BMP5: variants seen among roughly 807,000 people sequenced by gnomAD.
BMP5 encodes bone morphogenetic protein 5.
In BMP5, 23 loss-of-function variants were observed where a neutral mutation model predicts 46.6. The observed-to-expected ratio is 0.49, with a 90% CI of 0.35 to 0.70. BMP5 has a LOEUF of 0.70. Among genes scored for constraint, BMP5 ranks in the 30% least tolerant of loss-of-function variants. The pLI is 0.00. For missense variants in BMP5, 545 were observed against 565.6 expected (o/e 0.96, Z 0.37); for synonymous variants, 204 against 191.9 (o/e 1.06, Z -0.52).
At chr6:55,817,725 A>T (rs1488707744) in intron 2 of BMP5, among the ~76,000 whole-genome samples, 1 of 152,110 alleles carries the variant, frequency 6.6e-6, no homozygotes, top group Non-Finnish European at 1.5e-5. Flanking sequence ...CATTGTGCAT[A>T]TGTACCCTAA....
At chr6:55,853,165 A>C (rs925080382) in intron 1 of BMP5, among the ~76,000 whole-genome samples, 2 of 66,502 alleles carry the variant, frequency 3.0e-5, no homozygotes, top group African/African-American at 1.1e-4. Flanking sequence ...AATAAAATAA[A>C]ATAAAATAAA....
At chr6:55,823,534 C>T (rs1393076211) in intron 1 of BMP5, among the ~76,000 whole-genome samples, 1 of 151,946 alleles carries the variant, frequency 6.6e-6, no homozygotes, top group Non-Finnish European at 1.5e-5. Flanking sequence ...AGTTTTATAA[C>T]TTGTCAAAGA....
intron 4 of BMP5, among the ~76,000 whole-genome samples, chr6:55,769,098 T>C (rs917938547): frequency 6.6e-6 from 1 of 151,942 alleles, no homozygotes; most frequent in Non-Finnish European, 1.5e-5. Flanking sequence ...ACTGATCAGG[T>C]TGGTGATTGC....
chr6:55,816,914 C>T (rs1335411535), intron 2 of BMP5, among the ~76,000 whole-genome samples: 2 of 151,766 alleles, frequency 1.3e-5, no homozygotes, highest in African/African-American at 4.9e-5. Context: ...AAAAAACAAA[C>T]AACTCTATCA....
At chr6:55,759,152 A>AAAAAAAAAAAAAAAAAAAAAAC in intron 5 of BMP5, 37 bp from the exon 6 acceptor site, 1 of 530,458 alleles carries the variant, frequency 1.9e-6, no homozygotes, top group African/African-American at 2.9e-5. Context: ...CACAAAAAAA[A>AAAAAAAAAAAAAAAAAAAAAAC]AAAAAAAAAA....
At chr6:55,781,972 A>G (rs1253355216) in intron 3 of BMP5, among the ~76,000 whole-genome samples, 2 of 152,048 alleles carry the variant, frequency 1.3e-5, no homozygotes, top group African/African-American at 4.8e-5. Context: ...GGATCAGTCT[A>G]GTACCAGCAA....
intron 2 of BMP5, among the ~76,000 whole-genome samples, chr6:55,813,115 G>C (rs1776173143): frequency 6.6e-6 from 1 of 152,150 alleles, no homozygotes; most frequent in South Asian, 2.1e-4. Context: ...GAGAGCAACT[G>C]ATTTTTAAAT....
At chr6:55,823,469 A>G (rs1294328210) in intron 1 of BMP5, among the ~76,000 whole-genome samples, 3 of 152,046 alleles carry the variant, frequency 2.0e-5, no homozygotes, top group African/African-American at 7.2e-5. Context: ...TTATTTAAGT[A>G]TCATTTGTGT....
chr6:55,854,960 A>T (rs922636030), intron 1 of BMP5, among the ~76,000 whole-genome samples: 5 of 152,170 alleles, frequency 3.3e-5, no homozygotes, highest in African/African-American at 1.2e-4. Context: ...GCAGTTTTTC[A>T]TATTTTTAAA....
In BMP5 at chr6:55,760,507, C is replaced by A; in HGVS notation, c.1054G>T (p.Ala352Ser). ...GDYNTSEQKQ[A>S]CKKHELYVSF... ...ACATAGAGTTCGTGCTTCTTACAGG[C>A]TTGTTTTTGCTCACTTGTGTTATAA... Residue 352 changes from alanine (A) to serine (S), a missense_variant, in exon 5 of 7, where the codon GCC (alanine) becomes TCC (serine). Coordinates refer to ENST00000370830, the MANE Select transcript of BMP5 (RefSeq NM_021073.4). The A allele has an allele frequency of 6.2e-7, 1 of 1,613,110 alleles. No individual in the cohort carries two copies. The highest frequency in any genetic ancestry group is 8.5e-7 in the Non-Finnish European group (1 of 1,179,310).
chr6:55,831,837 A>G (rs1484109538), intron 1 of BMP5, among the ~76,000 whole-genome samples: 1 of 152,164 alleles, frequency 6.6e-6, no homozygotes, highest in Non-Finnish European at 1.5e-5. Context: ...CTGGAGGCGA[A>G]CAGAAGATTT....
Position 55,875,491 on chromosome 6 carries a change from C to T in BMP5, c.-626G>A, listed in dbSNP as rs545549058. 2 of 153,916 alleles carry T rather than the reference C, an allele frequency of 1.3e-5. No individual in the cohort carries two copies. The highest frequency in any genetic ancestry group is 4.8e-5 in the African/African-American group (2 of 41,536). The allele number at this position is 153,916 out of a possible 1,614,324, so 9.5% of individuals were successfully genotyped here. A position where few individuals can be genotyped will look rare whatever the true frequency, so the allele number is the denominator to read the frequency against. On this transcript the variant is annotated 5_prime_UTR_variant, in exon 1 of 7. Transcript: ENST00000370830. ...TGTTTCCCTGAATTTACTTGAAATC[C>T]TTCCTGTAAGTCCATTCAATCCCTT...
intron 1 of BMP5, among the ~76,000 whole-genome samples, chr6:55,839,531 T>C (rs1776901021): frequency 6.6e-6 from 1 of 152,086 alleles, no homozygotes; most frequent in Non-Finnish European, 1.5e-5. Flanking sequence ...CCCAGGCTAG[T>C]CTTGAACTCC....
At chr6:55,784,032 C>T (rs1361637874) in intron 3 of BMP5, among the ~76,000 whole-genome samples, 2 of 151,852 alleles carry the variant, frequency 1.3e-5, no homozygotes, top group African/African-American at 4.8e-5. Flanking sequence ...CGATGCTGAA[C>T]TTTGGATAAG....
chr6:55,796,136 C>T (rs936076128), intron 2 of BMP5, among the ~76,000 whole-genome samples: 2 of 152,114 alleles, frequency 1.3e-5, no homozygotes, highest in African/African-American at 4.8e-5. Flanking sequence ...CACCCTGTAC[C>T]TTGGGAAATA....
At chr6:55,828,697 G>A (rs1282965294) in intron 1 of BMP5, among the ~76,000 whole-genome samples, 1 of 151,570 alleles carries the variant, frequency 6.6e-6, no homozygotes, top group Non-Finnish European at 1.5e-5. Context: ...AAAAACACTT[G>A]AAAAAATAAA....
intron 1 of BMP5, among the ~76,000 whole-genome samples, chr6:55,851,033 C>T (rs1777229910): frequency 6.6e-6 from 1 of 151,992 alleles, no homozygotes; most frequent in Non-Finnish European, 1.5e-5. Flanking sequence ...TTCTTAAAAG[C>T]AGTTTTGTGT....
chr6:55,826,402 T>TA, intron 1 of BMP5, among the ~76,000 whole-genome samples: 1 of 151,942 alleles, frequency 6.6e-6, no homozygotes, highest in South Asian at 2.1e-4. Context: ...CTACTATAAC[T>TA]AAACAAATTG....
At position 55,790,960 on chromosome 6, in the gene BMP5, G is replaced by A. The variant is rs190430978; in HGVS notation, c.832+3319C>T. On this transcript the variant is annotated intron_variant, in intron 3 of 6. Coordinates refer to ENST00000370830, the MANE Select transcript of BMP5 (RefSeq NM_021073.4). ...CTTAGGTGATATGCTTTTGTAACCC[G>A]CTACCTTGCATGCACAGATACTCAA... Among the ~76,000 whole-genome samples the A allele has an allele frequency of 4.6e-5, 7 of 152,196 alleles. No homozygotes were observed. The East Asian group carries it at 5.8e-4, about 13-fold the overall frequency.
Sources: allele counts gnomAD v4.1 joint callset (sites outside exome capture counted in the v4.1 genomes callset), GRCh38; gene constraint gnomAD v4.1.1; transcripts MANE v1.5; gene names NCBI Gene and HGNC (gene_info 2026-07-23, HGNC 2026-07-21).